The following ADGRG2 variants were observed in gnomAD, a reference collection of about 807,000 sequenced individuals.
ADGRG2 encodes the protein G protein-coupled receptor 64.
Under a neutral mutation model 74.1 loss-of-function variants are expected in ADGRG2, and 26 were observed. That is an observed-to-expected ratio of 0.35 (90% CI 0.26 to 0.49). The LOEUF is 0.49. Among genes scored for constraint, ADGRG2 ranks in the 20% least tolerant of loss-of-function variants. The probability of loss-of-function intolerance (pLI) is 0.99; values close to 1 mark genes in which losing one functional copy is unlikely to be tolerated. For missense variants in ADGRG2, 619 were observed against 763.1 expected (o/e 0.81, Z 2.22); for synonymous variants, 296 against 295.2 (o/e 1.00, Z -0.03).
chrX:19,069,113 G>A (rs2061611312), intron 2 of ADGRG2, among the ~76,000 whole-genome samples: 1 of 111,846 alleles, frequency 8.9e-6, no homozygotes, highest in African/African-American at 3.2e-5. Context: ...ACAAGAGAAG[G>A]AATAAAAAAC....
intron 23 of ADGRG2, among the ~76,000 whole-genome samples, 181 bp downstream of exon 23, chrX:19,004,577 C>T (rs1488913246): frequency 9.0e-6 from 1 of 111,705 alleles, no homozygotes; most frequent in Non-Finnish European, 1.9e-5. Context: ...TCAGGGAGTC[C>T]ACAGACTAGT....
rs142115775 is a variant in ADGRG2, at chrX:19,119,055, C to T, written c.-47+3387G>A. Among the ~76,000 whole-genome samples the T allele has an allele frequency of 4.1e-3, 456 of 111,851 alleles. 4 individuals carry two copies. Among genetic ancestry groups the T allele is most frequent in the African/African-American group, 0.014 (439 of 30,802 alleles). Reference sequence around the variant, plus strand: ...GCTGAGAGTTGGGGGAGGCTGACTACAAAGAGTCAACAGGGAATTCCTTGG... The same window carrying T: ...GCTGAGAGTTGGGGGAGGCTGACTATAAAGAGTCAACAGGGAATTCCTTGG... On this transcript the variant is annotated intron_variant, in intron 1 of 28. Coordinates refer to ENST00000379869, the MANE Select transcript of ADGRG2 (RefSeq NM_001079858.3).
rs180990904 is a variant in ADGRG2 at position 19,069,878 on chromosome X, C to A, written c.-1-1043G>T. 3.5e-3 allele frequency among the ~76,000 whole-genome samples: 396 copies of A among 112,684 alleles called. 2 individuals are homozygous for A. Among genetic ancestry groups the A allele is most frequent in the Middle Eastern group, 0.023 (5 of 219 alleles). On this transcript the variant is annotated intron_variant, in intron 2 of 28. Coordinates refer to ENST00000379869, the MANE Select transcript of ADGRG2 (RefSeq NM_001079858.3). ...ATTACTCCTGGATGCCAGACAAAGA[C>A]CTTGGTGCAGGTGCAAGAGGCTGTC...
intron 17 of ADGRG2, 123 bp downstream of exon 17, chrX:19,010,490 C>G (rs2089442581): frequency 3.4e-6 from 2 of 581,716 alleles, no homozygotes; most frequent in South Asian, 6.1e-5. Flanking sequence ...AGAGTAGCAA[C>G]CTGAGAAACC....
At chrX:19,042,014 C>T (rs886640494) in intron 3 of ADGRG2, among the ~76,000 whole-genome samples, 1 of 110,849 alleles carries the variant, frequency 9.0e-6, no homozygotes, top group African/African-American at 3.3e-5. Flanking sequence ...GGGGGTCTCA[C>T]TATGTTGCCA....
At chrX:19,050,927 G>T (rs922118362) in intron 3 of ADGRG2, among the ~76,000 whole-genome samples, 1 of 111,479 alleles carries the variant, frequency 9.0e-6, no homozygotes, top group East Asian at 2.8e-4. Context: ...AACTGGAGAA[G>T]AGTAAAGCTG....
chrX:19,021,369 C>T (rs763249638), intron 13 of ADGRG2, 171 bp from the exon 14 acceptor site: 16 of 491,566 alleles, frequency 3.3e-5, no homozygotes, highest in Middle Eastern at 3.3e-4. Context: ...TGAATTTTAC[C>T]CAAAAAGACT....
Position 19,021,469 on chromosome X carries a change from C to T in ADGRG2, c.549-271G>A, listed in dbSNP as rs2060587575. ...CACACATAGGTGCTGGCTCATTTTG[C>T]CTGTCTACACGATGAACAGGCAGGG... is the stretch of plus-strand genomic sequence containing the variant. On this transcript the variant is annotated intron_variant, in intron 13 of 28. Coordinates refer to ENST00000379869, the MANE Select transcript of ADGRG2 (RefSeq NM_001079858.3). 7 of 349,047 alleles carry T rather than the reference C, an allele frequency of 2.0e-5. No individual in the cohort carries two copies. In the South Asian group the frequency reaches 2.3e-4, roughly 12 times the overall value. 28.8% of individuals were successfully genotyped at this position (349,047 alleles called of 1,213,427 possible).
chrX:19,056,896 T>C (rs1395793343), intron 3 of ADGRG2, among the ~76,000 whole-genome samples: 2 of 111,840 alleles, frequency 1.8e-5, no homozygotes, highest in Admixed American at 1.9e-4. Flanking sequence ...TTAAGGAGAC[T>C]GACTTGGGTT....
intron 1 of ADGRG2, among the ~76,000 whole-genome samples, chrX:19,088,701 G>C (rs1405692195): frequency 9.0e-6 from 1 of 110,837 alleles, no homozygotes; most frequent in Non-Finnish European, 1.9e-5. Context: ...AACTCCTGGG[G>C]TCAAGCAATC....
At chrX:19,000,725 T>G (rs1382941115) in intron 24 of ADGRG2, among the ~76,000 whole-genome samples, 4 of 109,073 alleles carry the variant, frequency 3.7e-5, no homozygotes, top group Non-Finnish European at 5.7e-5. Flanking sequence ...CAGCTGCCAG[T>G]GTTGCCTTTA....
Position 18,999,298 on chromosome X carries a change from G to C in ADGRG2, c.2331-19C>G. The C allele has an allele frequency of 1.8e-6, 2 of 1,138,306 alleles. No homozygotes were observed. Among genetic ancestry groups the C allele is most frequent in the Non-Finnish European group, 2.4e-6 (2 of 846,719 alleles). The allele number at this position is 1,138,306 out of a possible 1,213,427, so 93.8% of individuals were successfully genotyped here. On this transcript the variant is annotated intron_variant, in intron 25 of 28. Coordinates refer to ENST00000379869, the MANE Select transcript of ADGRG2 (RefSeq NM_001079858.3). ...CCAGCAGCTGGAGTTTGTGGAGGGG[G>C]GGAAACAGGGGAAAACATATTATAG...
At chrX:19,040,504 C>T (rs2061036468) in intron 3 of ADGRG2, among the ~76,000 whole-genome samples, 1 of 112,028 alleles carries the variant, frequency 8.9e-6, no homozygotes, top group African/African-American at 3.2e-5. Context: ...AGGAGATTAA[C>T]ATCTTTAATG....
At chrX:19,066,878 T>A (rs898675574) in intron 3 of ADGRG2, among the ~76,000 whole-genome samples, 6 of 111,244 alleles carry the variant, frequency 5.4e-5, no homozygotes, top group African/African-American at 2.0e-4. Context: ...CTTCTAAAGA[T>A]CCCCCTTTCC....
intron 24 of ADGRG2, among the ~76,000 whole-genome samples, chrX:19,000,275 G>A (rs2060103772): frequency 8.9e-6 from 1 of 111,921 alleles, no homozygotes; most frequent in Non-Finnish European, 1.9e-5. Context: ...GGGATTGCAG[G>A]CGTGAGCCAC....
chrX:19,033,033 T>C (rs1006633132), intron 8 of ADGRG2: 4 of 112,010 alleles, frequency 3.6e-5, no homozygotes, highest in Admixed American at 1.9e-4. Flanking sequence ...GAGACCAGCC[T>C]GGGCAACGTG....
chrX:19,074,656 G>A (rs1413041801), intron 2 of ADGRG2, among the ~76,000 whole-genome samples: 2 of 97,533 alleles, frequency 2.1e-5, no homozygotes, highest in Admixed American at 1.2e-4. Context: ...TGCAACCTCC[G>A]CCTCCCAGGT....
chrX:19,028,208 T>A lies in ADGRG2; in HGVS notation c.389A>T (p.Tyr130Phe). ...AFFRGEIMFQ[Y>F]DKESTVPQNQ... is the part of the protein sequence containing the mutation. ...CTGGGGAACAGTGCTTTCTTTATCA[T>A]ATTGAAACATGATCTCACCTCTAAA... Residue 130 changes from tyrosine to phenylalanine, a missense_variant, in exon 10 of 29, where the codon TAT becomes TTT. Coordinates refer to ENST00000379869, the MANE Select transcript of ADGRG2 (RefSeq NM_001079858.3). The A allele has an allele frequency of 9.1e-7, 1 of 1,095,816 alleles. No individual in the cohort carries two copies. The highest frequency in any genetic ancestry group is 1.3e-6 in the Non-Finnish European group (1 of 796,764). The allele number at this position is 1,095,816 out of a possible 1,213,427, so 90.3% of individuals were successfully genotyped here. A position where few individuals can be genotyped will look rare whatever the true frequency, so the allele number is the denominator to read the frequency against.
chrX:19,112,539 G>C (rs2062429558), intron 1 of ADGRG2, among the ~76,000 whole-genome samples: 1 of 109,006 alleles, frequency 9.2e-6, no homozygotes, highest in Non-Finnish European at 1.9e-5. Flanking sequence ...TCCAAAATAA[G>C]ATACCCTGAG....
Sources: allele counts gnomAD v4.1 joint callset (sites outside exome capture counted in the v4.1 genomes callset), GRCh38; gene constraint gnomAD v4.1.1; transcripts MANE v1.5; gene names NCBI Gene and HGNC (gene_info 2026-07-23, HGNC 2026-07-21).